Variants in B4GALT5 observed in about 807,000 individuals in gnomAD.
B4GALT5 encodes UDP-Gal:beta-GlcNAc beta-1,4-galactosyltransferase 5.
Under a neutral mutation model 45.0 loss-of-function variants are expected in B4GALT5, and 11 were observed. The observed-to-expected ratio is 0.24, with a 90% confidence interval of 0.15 to 0.40. B4GALT5 has a LOEUF of 0.40. Among genes scored for constraint, B4GALT5 ranks in the 10% least tolerant of loss-of-function variants. B4GALT5 has a pLI of 1.00. For missense variants in B4GALT5, 337 were observed against 500.2 expected, an observed-to-expected ratio of 0.67 and a Z score of 3.11; for synonymous variants, 185 against 182.9, an observed-to-expected ratio of 1.01 and a Z score of -0.09.
chr20:49,663,645 C>T (rs1218656337), intron 1 of B4GALT5, among the ~76,000 whole-genome samples: 1 of 118,256 alleles, frequency 8.5e-6, no homozygotes, highest in East Asian at 2.4e-4. Flanking sequence ...TTAAGTCCAG[C>T]CAGAGCAACA....
At chr20:49,652,313 C>G (rs1310531665) in intron 2 of B4GALT5, among the ~76,000 whole-genome samples, 2 of 149,416 alleles carry the variant, frequency 1.3e-5, no homozygotes, top group East Asian at 3.9e-4. Flanking sequence ...CAATGGACCC[C>G]AGCAAGAATC....
intron 5 of B4GALT5, among the ~76,000 whole-genome samples, chr20:49,641,927 T>C (rs2085578654): frequency 6.6e-6 from 1 of 151,498 alleles, no homozygotes; most frequent in South Asian, 2.1e-4. Context: ...ATAAAATATA[T>C]GCAGGACCAA....
intron 5 of B4GALT5, among the ~76,000 whole-genome samples, chr20:49,641,524 T>G (rs898628492): frequency 6.6e-6 from 1 of 152,102 alleles, no homozygotes; most frequent in Non-Finnish European, 1.5e-5. Flanking sequence ...CTACATTGAC[T>G]CCCCCTTGCC....
intron 2 of B4GALT5, among the ~76,000 whole-genome samples, chr20:49,654,206 AG>A (rs1173570828): frequency 2.0e-5 from 3 of 152,226 alleles, no homozygotes; most frequent in African/African-American, 7.2e-5. Flanking sequence ...GGATTTTGGC[AG>A]GGTTTAGGGA....
intron 1 of B4GALT5, among the ~76,000 whole-genome samples, chr20:49,663,698 CATAT>C (rs71186468): frequency 1.3e-5 from 1 of 78,588 alleles, no homozygotes; most frequent in Non-Finnish European, 2.2e-5. Context: ...AAAATATATA[CATAT>C]ATATATATAT....
intron 1 of B4GALT5, among the ~76,000 whole-genome samples, chr20:49,657,219 C>T (rs2123019556): frequency 6.6e-6 from 1 of 152,278 alleles, no homozygotes; most frequent in South Asian, 2.1e-4. Flanking sequence ...GCTCCAATCA[C>T]TTACCCTTGG....
At chr20:49,686,728 CAAAAAAA>C (rs59766440) in intron 1 of B4GALT5, among the ~76,000 whole-genome samples, 1 of 59,456 alleles carries the variant, frequency 1.7e-5, no homozygotes, top group Non-Finnish European at 2.9e-5. Flanking sequence ...TGTCTCTGCC[CAAAAAAA>C]AAAAAAAAAA....
chr20:49,654,692 T>G (rs1309077591), intron 2 of B4GALT5, among the ~76,000 whole-genome samples: 1 of 152,204 alleles, frequency 6.6e-6, no homozygotes, highest in African/African-American at 2.4e-5. Flanking sequence ...AATTTCACAT[T>G]CGACAGTGAA....
chr20:49,653,046 A>G (rs2085628656), intron 2 of B4GALT5, among the ~76,000 whole-genome samples: 2 of 152,248 alleles, frequency 1.3e-5, no homozygotes, highest in African/African-American at 4.8e-5. Flanking sequence ...ATACACTTTC[A>G]GTGAAATGCT....
At chr20:49,678,172 TG>T (rs1240090063) in intron 1 of B4GALT5, among the ~76,000 whole-genome samples, 1 of 152,222 alleles carries the variant, frequency 6.6e-6, no homozygotes, top group Non-Finnish European at 1.5e-5. Flanking sequence ...CAAATGACAC[TG>T]GAAGTGGGGC....
intron 1 of B4GALT5, among the ~76,000 whole-genome samples, chr20:49,683,543 A>G (rs752192232): frequency 6.6e-6 from 1 of 151,750 alleles, no homozygotes; most frequent in Non-Finnish European, 1.5e-5. Context: ...ACAGGCACCC[A>G]CCATCATGCC....
At chr20:49,639,087 C>A (rs139777853) in intron 7 of B4GALT5, among the ~76,000 whole-genome samples, 9 of 152,128 alleles carry the variant, frequency 5.9e-5, no homozygotes, top group Non-Finnish European at 1.2e-4. Context: ...TTACTGTTCA[C>A]TTGCCACTTT....
At chr20:49,706,025 C>CAAA (rs55753502) in intron 1 of B4GALT5, among the ~76,000 whole-genome samples, 1 of 106,198 alleles carries the variant, frequency 9.4e-6, no homozygotes, top group Non-Finnish European at 2.0e-5. Context: ...ACTAAAAATA[C>CAAA]AAAAAAAAAA....
At position 49,683,869 on chromosome 20, in the gene B4GALT5, G is replaced by A. The variant is rs189844261; in HGVS notation, c.116-27167C>T. On this transcript the variant is annotated intron_variant, in intron 1 of 8. Coordinates refer to ENST00000371711, the MANE Select transcript of B4GALT5 (RefSeq NM_004776.4). ...AAGAATAAAGACTGCAGCCAGGCAC[G>A]GTGGCTCACGCCTGTAATCCCAGCA... Among the ~76,000 whole-genome samples, 5 of 152,092 alleles carry A rather than the reference G, an allele frequency of 3.3e-5. 1 individual carries two copies. The highest frequency in any genetic ancestry group is 4.2e-4 in the South Asian group (2 of 4,808).
At chr20:49,696,171 T>G (rs1306829355) in intron 1 of B4GALT5, among the ~76,000 whole-genome samples, 1 of 152,312 alleles carries the variant, frequency 6.6e-6, no homozygotes, top group Middle Eastern at 3.4e-3. Context: ...AGACTCTCAA[T>G]CATTCAAAGT....
rs1177881847 is a variant in B4GALT5, at chr20:49,635,725, A to ATATC, written c.*586_*587insGATA. The ATATC allele has an allele frequency of 2.0e-5, 3 of 152,636 alleles. No individual in the cohort carries two copies. The highest frequency in any genetic ancestry group is 3.8e-4 in the East Asian group (2 of 5,196). The allele number at this position is 152,636 out of a possible 1,614,324, so 9.5% of individuals were successfully genotyped here. On this transcript the variant is annotated 3_prime_UTR_variant, in exon 9 of 9. Coordinates refer to ENST00000371711, the MANE Select transcript of B4GALT5 (RefSeq NM_004776.4). ...TATACTTCTTCAAGAAGTGATTGTT[A>ATATC]TATATTTATGTCTATTTATCTTTCC...
intron 1 of B4GALT5, among the ~76,000 whole-genome samples, chr20:49,678,744 T>G (rs1310037643): frequency 6.6e-6 from 1 of 152,112 alleles, no homozygotes; most frequent in Non-Finnish European, 1.5e-5. Context: ...AAGTAGGTAT[T>G]AGTACTCTCA....
chr20:49,642,419 ACTG>A (rs1352000457), intron 5 of B4GALT5, 46 bp downstream of exon 5: 2 of 1,387,626 alleles, frequency 1.4e-6, no homozygotes, highest in South Asian at 1.2e-5. Flanking sequence ...AGCAACCTAA[ACTG>A]CTGTCTCAGA....
At chr20:49,704,675 C>T (rs2085876884) in intron 1 of B4GALT5, among the ~76,000 whole-genome samples, 1 of 150,318 alleles carries the variant, frequency 6.7e-6, no homozygotes, top group African/African-American at 2.5e-5. Flanking sequence ...GCCGAGATCC[C>T]GCCACTGCAC....
Sources: gnomAD v4.1 joint callset for allele counts (sites outside exome capture counted in the v4.1 genomes callset) on GRCh38, gnomAD v4.1.1 for gene constraint, MANE v1.5 for transcripts, NCBI Gene and HGNC (gene_info 2026-07-23, HGNC 2026-07-21) for gene names.